CXCL12: variants seen among roughly 807,000 people sequenced by gnomAD.
CXCL12 encodes the protein C-X-C motif chemokine ligand 12.
In CXCL12, 4 loss-of-function variants were observed where a neutral mutation model predicts 10.7. The ratio of observed to expected loss-of-function variants is 0.37; its 90% CI spans 0.18 to 0.86. The LOEUF (loss-of-function observed/expected upper bound fraction) is 0.86. Ranked by LOEUF, CXCL12 falls within the 40% of genes least tolerant of loss-of-function variation. The pLI, the probability that CXCL12 is intolerant of heterozygous loss-of-function variation, is 0.43. For synonymous variants in CXCL12, 54 were observed against 45.4 expected (o/e 1.19, Z -0.77); for missense variants, 122 against 110.4 (o/e 1.10, Z -0.47).
At position 44,377,713 on chromosome 10, in the gene CXCL12, T is replaced by C. The variant is rs779653721; in HGVS notation, c.*920A>G. On this transcript the variant is annotated 3_prime_UTR_variant, in exon 3 of 3. Transcript: ENST00000343575. ...AGATTTAAAATTGCATTTGATTCTG[T>C]AAAGACTTGTCTTTTGCGGGTAAGC... is the stretch of plus-strand genomic sequence containing the variant. The C allele has an allele frequency of 6.3e-7, 1 of 1,597,996 alleles. No individual in the cohort carries two copies. The highest frequency in any genetic ancestry group is 8.5e-7 in the Non-Finnish European group (1 of 1,179,694).
chr10:44,375,757 G>T, downstream of CXCL12: 1 of 1,213,480 alleles, frequency 8.2e-7, no homozygotes, highest in Non-Finnish European at 1.1e-6. Flanking sequence ...GACCAACAAG[G>T]GCCTTAAAAA....
Position 44,377,472 on chromosome 10 carries a change from G to A in CXCL12, c.*1161C>T. The A allele has an allele frequency of 7.8e-7, 1 of 1,288,990 alleles. No homozygotes were observed. Among genetic ancestry groups the A allele is most frequent in the Non-Finnish European group, 9.8e-7 (1 of 1,019,492 alleles). The allele number at this position is 1,288,990 out of a possible 1,614,324, so 79.8% of individuals were successfully genotyped here. A position where few individuals can be genotyped will look rare whatever the true frequency, so the allele number is the denominator to read the frequency against. ...TACAAATACCACCAGGACCTTCTGT[G>A]GATCGCATTTATGCATGGAAATGTC... On this transcript the variant is annotated 3_prime_UTR_variant, in exon 3 of 3. Coordinates refer to ENST00000343575, the MANE Select transcript of CXCL12 (RefSeq NM_199168.4).
chr10:44,381,188 T>G (rs577734754), intron 1 of CXCL12, among the ~76,000 whole-genome samples: 1 of 152,340 alleles, frequency 6.6e-6, no homozygotes, highest in South Asian at 2.1e-4. Context: ...GTAGTAATTA[T>G]AGTAGATAAC....
chr10:44,377,609 TCA>T lies in CXCL12; in HGVS notation c.*1022_*1023del. On this transcript the variant is annotated 3_prime_UTR_variant, in exon 3 of 3. Transcript: ENST00000343575. ...TTTTTCGCTTCTGATTTCGGAAACC[TCA>T]GAGTTTGTTAGTGCCTCCATGGCAT... is the stretch of plus-strand genomic sequence containing the variant. 6.6e-7 allele frequency: 1 copy of T among 1,509,370 alleles called. No homozygotes were observed. Among genetic ancestry groups the T allele is most frequent in the South Asian group, 1.3e-5 (1 of 78,696 alleles). 93.5% of individuals were successfully genotyped at this position (1,509,370 alleles called of 1,614,324 possible).
intron 1 of CXCL12, among the ~76,000 whole-genome samples, chr10:44,382,250 G>T (rs1195109215): frequency 6.6e-6 from 1 of 152,200 alleles, no homozygotes; most frequent in Non-Finnish European, 1.5e-5. Flanking sequence ...AGGCACCTCT[G>T]GGGCCAGCTT....
intron 2 of CXCL12, chr10:44,380,532 G>C: frequency 1.9e-6 from 1 of 526,206 alleles, no homozygotes; most frequent in Non-Finnish European, 3.4e-6. Flanking sequence ...AAAGAAGAGA[G>C]AACTACTACG....
At chr10:44,374,921 G>C (rs779477783), downstream of CXCL12, among the ~76,000 whole-genome samples, 70 of 152,258 alleles carry the variant, frequency 4.6e-4, 1 homozygote, top group Middle Eastern at 0.014. Context: ...AGAGAAACTT[G>C]CCAAAAAATC....
chr10:44,373,692 C>T (rs1433727281), downstream of CXCL12, among the ~76,000 whole-genome samples: 2 of 152,184 alleles, frequency 1.3e-5, no homozygotes, highest in Admixed American at 1.3e-4. Context: ...GGCTGAGGCT[C>T]AGGATGCTGC....
rs1287615132 is a variant in CXCL12, at chr10:44,380,850, G to A, written c.92C>T (p.Pro31Leu). The A allele has an allele frequency of 3.1e-6, 5 of 1,614,204 alleles. No homozygotes were observed. The highest frequency in any genetic ancestry group is 4.2e-6 in the Non-Finnish European group (5 of 1,180,032). The stretch of plus-strand genomic sequence containing the variant: ...AACATGGCTTTCGAAGAATCGGCAT[G>A]GGCATCTGTAGCTCAGGCTGACGGG... ...GKPVSLSYRC[P>L]CRFFESHVAR... The change falls in exon 2 of 3, where the codon CCA becomes CTA. Residue 31 changes from proline (P) to leucine (L), a missense_variant. Physicochemically the swap from Pro to Leu is moderately conservative, Grantham distance 98 (BLOSUM62 -3). Transcript: ENST00000343575.
chr10:44,371,538 G>T (rs1173171737), downstream of CXCL12: 1 of 174,818 alleles, frequency 5.7e-6, no homozygotes, highest in Non-Finnish European at 1.2e-5. Flanking sequence ...TAACATAGCT[G>T]GATTGAGGAT....
At chr10:44,372,917 G>A (rs1473196459), downstream of CXCL12, 1 of 1,535,832 alleles carries the variant, frequency 6.5e-7, no homozygotes, top group Non-Finnish European at 8.7e-7. Context: ...ACTGGTCCTG[G>A]CACCCCCAGG....
chr10:44,375,619 G>T (rs1304570227), downstream of CXCL12, among the ~76,000 whole-genome samples: 1 of 152,222 alleles, frequency 6.6e-6, no homozygotes, highest in African/African-American at 2.4e-5. Context: ...AGGGCGGGCT[G>T]GGGGGCTCAG....
chr10:44,382,216 G>GT, intron 1 of CXCL12, among the ~76,000 whole-genome samples: 1 of 152,262 alleles, frequency 6.6e-6, no homozygotes, highest in South Asian at 2.1e-4. Context: ...AGCCTTCACA[G>GT]TTACACCTGA....
At chr10:44,372,832 G>C (rs1053016387), downstream of CXCL12, 14 of 1,503,118 alleles carry the variant, frequency 9.3e-6, no homozygotes, top group South Asian at 1.3e-5. Flanking sequence ...GATGGAGAAG[G>C]GGGTGAGCCT....
rs1839523932 is a variant in CXCL12, at chr10:44,378,393, A to G, written c.*240T>C. Reference sequence around the variant, plus strand: ...AAAAACCCCAGTAATAAAAGTTCCAACGTGCACAGGTACAGGGCATGGATG... The same window carrying G: ...AAAAACCCCAGTAATAAAAGTTCCAGCGTGCACAGGTACAGGGCATGGATG... On this transcript the variant is annotated 3_prime_UTR_variant, in exon 3 of 3. Coordinates refer to ENST00000343575, the MANE Select transcript of CXCL12 (RefSeq NM_199168.4). 7 of 1,546,734 alleles carry G rather than the reference A, an allele frequency of 4.5e-6. No homozygotes were observed. Among genetic ancestry groups the G allele is most frequent in the African/African-American group, 1.3e-5 (1 of 74,080 alleles).
downstream of CXCL12, chr10:44,374,808 G>A (rs1046151840): frequency 2.0e-5 from 8 of 397,584 alleles, no homozygotes; most frequent in East Asian, 7.2e-5. Context: ...CAGGGTGGGC[G>A]GGTGTTTATG....
chr10:44,378,430 C>T lies in CXCL12; in HGVS notation c.*203G>A, dbSNP rs1839525314. 6.5e-7 allele frequency: 1 copy of T among 1,549,580 alleles called. No individual in the cohort carries two copies. Among genetic ancestry groups the T allele is most frequent in the Non-Finnish European group, 8.7e-7 (1 of 1,150,940 alleles). On this transcript the variant is annotated 3_prime_UTR_variant, in exon 3 of 3. Transcript: ENST00000343575. ...ACAGGGCATGGATGAATATAAGCTG[C>T]AATATCATACCGTATGCTATAAATG...
chr10:44,378,377 A>C lies in CXCL12; in HGVS notation c.*256T>G. On this transcript the variant is annotated 3_prime_UTR_variant, in exon 3 of 3. Coordinates refer to ENST00000343575, the MANE Select transcript of CXCL12 (RefSeq NM_199168.4). Reference sequence around the variant, plus strand: ...ACAATTTCTTTCTTAGAAAAACCCCAGTAATAAAAGTTCCAACGTGCACAG... The same window carrying C: ...ACAATTTCTTTCTTAGAAAAACCCCCGTAATAAAAGTTCCAACGTGCACAG... The C allele has an allele frequency of 1.3e-6, 2 of 1,533,834 alleles. No individual in the cohort carries two copies. The highest frequency in any genetic ancestry group is 1.8e-6 in the Non-Finnish European group (2 of 1,139,346).
chr10:44,378,776 T>C (rs1839538805), intron 2 of CXCL12, 53 bp from the exon 3 acceptor site: 1 of 1,565,742 alleles, frequency 6.4e-7, no homozygotes, highest in Non-Finnish European at 8.8e-7. Context: ...AAGGCGCGGC[T>C]GCAACGTGTG....
Sources: allele counts gnomAD v4.1 joint callset (sites outside exome capture counted in the v4.1 genomes callset), GRCh38; gene constraint gnomAD v4.1.1; transcripts MANE v1.5; gene names NCBI Gene and HGNC (gene_info 2026-07-23, HGNC 2026-07-21).